NBPF11: variants seen among roughly 807,000 people sequenced by gnomAD.
The protein encoded by NBPF11 is NBPF family member NBPF11.
NBPF11 carries 72 observed loss-of-function variants against 93.9 expected under a neutral mutation model. That is an observed-to-expected ratio of 0.77 (90% CI 0.63 to 0.93). The LOEUF is 0.93. Ranked by LOEUF, NBPF11 falls within the 40% of genes least tolerant of loss-of-function variation. The pLI, the probability that NBPF11 is intolerant of heterozygous loss-of-function variation, is 0.00. For synonymous variants in NBPF11, 224 were observed against 304.9 expected, an observed-to-expected ratio of 0.73 and a Z score of 2.76; for missense variants, 705 against 802.2, an observed-to-expected ratio of 0.88 and a Z score of 1.46.
intron 1 of NBPF11, chr1:148,149,485 C>A: frequency 6.3e-7 from 1 of 1,592,548 alleles, no homozygotes; most frequent in Non-Finnish European, 8.5e-7. Context: ...GCGCCGGGCA[C>A]AACGACATCG....
At chr1:148,106,612 G>A (rs1663691268) in intron 20 of NBPF11, among the ~76,000 whole-genome samples, 1 of 142,174 alleles carries the variant, frequency 7.0e-6, no homozygotes, top group Non-Finnish European at 1.5e-5. Context: ...TTTAGACACT[G>A]AAATTACAAT....
rs1262032940 is a variant in NBPF11 at position 148,137,967 on chromosome 1, G to T, written c.-276-158C>A. Among the ~76,000 whole-genome samples the T allele has an allele frequency of 2.1e-3, 307 of 149,562 alleles. 20 individuals carry two copies. Among genetic ancestry groups the T allele is most frequent in the Non-Finnish European group, 3.7e-3 (248 of 67,316 alleles). On this transcript the variant is annotated intron_variant, in intron 2 of 23. Transcript: ENST00000682118. The stretch of plus-strand genomic sequence containing the variant: ...CCCAGGGGACTGGCGTTCAGCATAC[G>T]GAGGACCCATGCCTGCACTGGCCTC...
intron 23 of NBPF11, 146 bp downstream of exon 23, chr1:148,104,391 C>T (rs1254775520): frequency 1.6e-6 from 1 of 634,324 alleles, no homozygotes; most frequent in Non-Finnish European, 2.7e-6. Flanking sequence ...ACCTAAACAT[C>T]TACTGCAATG....
chr1:148,145,283 C>T (rs1672821943), intron 1 of NBPF11, among the ~76,000 whole-genome samples: 1 of 138,896 alleles, frequency 7.2e-6, no homozygotes, highest in South Asian at 2.3e-4. Flanking sequence ...GTAATCTCGG[C>T]TCACTGCAAC....
chr1:148,123,340 C>T (rs1359356860), intron 7 of NBPF11, among the ~76,000 whole-genome samples: 7 of 152,160 alleles, frequency 4.6e-5, no homozygotes, highest in Non-Finnish European at 7.4e-5. Flanking sequence ...TTCTCCAACA[C>T]CACACGGAGA....
rs1670847910 is a variant in NBPF11, at chr1:148,133,942, A to G, written c.-36+1730T>C. 2.6e-5 allele frequency among the ~76,000 whole-genome samples: 4 copies of G among 151,482 alleles called. No homozygotes were observed. The East Asian group carries it at 7.7e-4, about 29-fold the overall frequency. On this transcript the variant is annotated intron_variant, in intron 4 of 23. Transcript: ENST00000682118. ...TCCCAGACACCTCACAATGATTAGT[A>G]ACCACCACATGTCCCTGCCTCTCAA...
At position 148,103,712 on chromosome 1, in the gene NBPF11, C is replaced by T. The variant is rs1662822189; in HGVS notation, c.*184G>A. 6.8e-6 allele frequency: 11 copies of T among 1,611,242 alleles called. No homozygotes were observed. Among genetic ancestry groups the T allele is most frequent in the Admixed American group, 3.3e-5 (2 of 59,998 alleles). On this transcript the variant is annotated 3_prime_UTR_variant, in exon 24 of 24. Transcript: ENST00000682118. The stretch of plus-strand genomic sequence containing the variant: ...TCCCATCTGGAAGACCAGGTGGAGA[C>T]TTCTCACCGTCAAAGTAAAAAACCT...
In NBPF11 at chr1:148,104,426, A is replaced by G. The variant is rs1324293433; in HGVS notation, c.2581+111T>C. Reference sequence around the variant, plus strand: ...GAAAACCAACAACAATGACAGTAGGAGTAATTCAGCCTTCGTTGAAAACAT... The same window carrying G: ...GAAAACCAACAACAATGACAGTAGGGGTAATTCAGCCTTCGTTGAAAACAT... On this transcript the variant is annotated intron_variant, in intron 23 of 23. Coordinates refer to ENST00000682118, the MANE Select transcript of NBPF11 (RefSeq NM_001385469.3). 8.0e-6 allele frequency: 5 copies of G among 627,624 alleles called. No individual in the cohort carries two copies. In the African/African-American group the frequency reaches 9.9e-5, roughly 12 times the overall value. 38.9% of individuals were successfully genotyped at this position (627,624 alleles called of 1,614,324 possible). A position where few individuals can be genotyped will look rare whatever the true frequency, so the allele number is the denominator to read the frequency against.
chr1:148,108,524 C>G lies in NBPF11; in HGVS notation c.1984G>C (p.Val662Leu). 2 of 1,600,424 alleles carry G rather than the reference C, an allele frequency of 1.2e-6. No homozygotes were observed. The highest frequency in any genetic ancestry group is 1.1e-5 in the South Asian group (1 of 90,798). Residue 662 changes from valine to leucine, a missense_variant, in exon 18 of 24, where the codon GTA becomes CTA. Around this residue, in one of 12 missense-constraint regions of NBPF11, gnomAD observed 97 missense variants for 65.0 expected, o/e 1.49. Transcript: ENST00000682118. ...SCQPYRSAFY[V>L]LEQQRIGLAV... ...AAGCCAATACGCTGTTGCTCCAATA[C>G]GTAAAAGGCACTTCTGTAGGGCTGG...
At chr1:148,119,418 GAGGT>G in intron 10 of NBPF11, among the ~76,000 whole-genome samples, 1 of 152,156 alleles carries the variant, frequency 6.6e-6, no homozygotes, top group South Asian at 2.1e-4. Flanking sequence ...GCAATTTACA[GAGGT>G]AGGTATTATT....
intron 10 of NBPF11, among the ~76,000 whole-genome samples, chr1:148,119,658 T>C (rs1218636414): frequency 2.6e-5 from 4 of 151,978 alleles, no homozygotes; most frequent in African/African-American, 4.8e-5. Flanking sequence ...TATTTTTATT[T>C]ATCATTATTA....
At chr1:148,135,859 G>C (rs1187992180) in intron 3 of NBPF11, 46 bp from the exon 4 acceptor site, 7 of 793,326 alleles carry the variant, frequency 8.8e-6, no homozygotes, top group Non-Finnish European at 1.5e-5. Context: ...CAGAGGAAAA[G>C]GTTTTACCAA....
At position 148,106,203 on chromosome 1, in the gene NBPF11, C is replaced by G. The variant is rs1387946123; in HGVS notation, c.2281G>C (p.Asp761His). The change falls in exon 21 of 24, where the codon GAC becomes CAC. Residue 761 changes from aspartate (D) to histidine (H), a missense_variant. Asp to His is a moderately conservative substitution (Grantham distance 81). Transcript: ENST00000682118. ...RIKKDQEEEE[D>H]QGPPCPRLSR... is the part of the protein sequence containing the mutation. The stretch of plus-strand genomic sequence containing the variant: ...TACCTGGGGCACGGTGGGCCTTGGT[C>G]TTCTTCCTCTTCTTGGTCCTTTTTA... The G allele has an allele frequency of 1.1e-6, 1 of 912,520 alleles. No homozygotes were observed. The highest frequency in any genetic ancestry group is 1.3e-5 in the South Asian group (1 of 77,108). The allele number at this position is 912,520 out of a possible 1,614,324, so 56.5% of individuals were successfully genotyped here. A position where few individuals can be genotyped will look rare whatever the true frequency, so the allele number is the denominator to read the frequency against.
chr1:148,142,918 G>A lies in NBPF11; in HGVS notation c.-277+497C>T, dbSNP rs1453434406. ...CCCATTATACTGGCAACTGAGCCAT[G>A]TTTCCCCATCCTGGACACATCTAGA... On this transcript the variant is annotated intron_variant, in intron 2 of 23. Transcript: ENST00000682118. Among the ~76,000 whole-genome samples, 486 of 152,372 alleles carry A rather than the reference G, an allele frequency of 3.2e-3. 1 individual carries two copies. The highest frequency in any genetic ancestry group is 0.011 in the African/African-American group (457 of 41,568).
rs1300804184 is a variant in NBPF11 at position 148,108,170 on chromosome 1, C to G, written c.2026+312G>C. Among the ~76,000 whole-genome samples, 5 of 150,272 alleles carry G rather than the reference C, an allele frequency of 3.3e-5. No homozygotes were observed. In the Admixed American group the frequency reaches 3.3e-4, roughly 10 times the overall value. On this transcript the variant is annotated intron_variant, in intron 18 of 23. Transcript: ENST00000682118. ...CTGAAAGTAGAGTGAAGGATGAAAT[C>G]TACAAGATCTACAGAATTGAGACAA...
chr1:148,145,281 G>A (rs1337213859), intron 1 of NBPF11, among the ~76,000 whole-genome samples: 3 of 136,802 alleles, frequency 2.2e-5, no homozygotes, highest in Non-Finnish European at 4.6e-5. Flanking sequence ...GTGTAATCTC[G>A]GCTCACTGCA....
intron 1 of NBPF11, chr1:148,146,680 G>C: frequency 6.2e-7 from 1 of 1,611,826 alleles, no homozygotes; most frequent in Non-Finnish European, 8.5e-7. Context: ...GAGCGCCCGC[G>C]GCAACCGTGT....
chr1:148,124,017 C>T lies in NBPF11; in HGVS notation c.329G>A (p.Arg110Lys), dbSNP rs1288943974. Residue 110 changes from arginine (R) to lysine (K), a missense_variant, in exon 7 of 24, where the codon AGG becomes AAG. This residue lies in a region of NBPF11 where 10 missense variants were observed against 65.1 expected (regional missense o/e 0.15). Coordinates refer to ENST00000682118, the MANE Select transcript of NBPF11 (RefSeq NM_001385469.3). ...ATCTCTCCCTTCCCGTAACTTCTCC[C>T]TTAACTGGGTCAGCTCTCGTTCCTG... ...HSQERELTQL[R>K]EKLREGRDAS... The T allele has an allele frequency of 1.3e-6, 2 of 1,586,554 alleles. No homozygotes were observed. Among genetic ancestry groups the T allele is most frequent in the African/African-American group, 2.7e-5 (2 of 74,058 alleles).
At chr1:148,138,074 A>G (rs1197453999) in intron 2 of NBPF11, among the ~76,000 whole-genome samples, 2 of 150,956 alleles carry the variant, frequency 1.3e-5, no homozygotes, top group African/African-American at 4.9e-5. Flanking sequence ...AATAGTGGAG[A>G]GAAGATCAGC....
Sources: gnomAD v4.1 joint callset for allele counts (sites outside exome capture counted in the v4.1 genomes callset) on GRCh38, gnomAD v4.1.1 for gene constraint, gnomAD v4.1.1 regional missense constraint, MANE v1.5 for transcripts, NCBI Gene and HGNC (gene_info 2026-07-23, HGNC 2026-07-21) for gene names.